KCNH8: variants seen among roughly 807,000 people sequenced by gnomAD.
KCNH8 encodes the protein potassium voltage-gated channel subfamily H member 8, also known as voltage-gated delayed rectifier potassium channel KCNH8.
Under a neutral mutation model 103.6 loss-of-function variants are expected in KCNH8, and 70 were observed. That is an observed-to-expected ratio of 0.68 (90% CI 0.56 to 0.82). KCNH8 has a LOEUF of 0.82. Ranked by LOEUF, KCNH8 falls within the 40% of genes least tolerant of loss-of-function variation. The pLI, the probability that KCNH8 is intolerant of heterozygous loss-of-function variation, is 0.00. For missense variants in KCNH8, 1,217 were observed against 1,329.9 expected (o/e 0.92, Z 1.32); for synonymous variants, 498 against 489.4 (o/e 1.02, Z -0.23).
At position 19,160,339 on chromosome 3, in the gene KCNH8, G is replaced by A. The variant is rs2063221671; in HGVS notation, c.76+11544G>A. 2.6e-5 allele frequency among the ~76,000 whole-genome samples: 4 copies of A among 151,864 alleles called. No homozygotes were observed. The South Asian group carries it at 6.2e-4, about 24-fold the overall frequency. ...GAATTTCATTTATTCATTTTTTTTG[G>A]TAAGAGTTTTTTATGATATAATTTA... On this transcript the variant is annotated intron_variant, in intron 1 of 15. Transcript: ENST00000328405.
rs750771980 is a variant in KCNH8, at chr3:19,533,648, T to C, written c.2873T>C (p.Ile958Thr). The C allele has an allele frequency of 6.8e-6, 11 of 1,614,006 alleles. No individual in the cohort carries two copies. The highest frequency in any genetic ancestry group is 6.8e-6 in the Non-Finnish European group (8 of 1,180,010). The change falls in exon 16 of 16, where the codon ATT becomes ACT. Residue 958 changes from isoleucine (I) to threonine (T), a missense_variant. Physicochemically the swap from Ile to Thr is moderately conservative, Grantham distance 89. Coordinates refer to ENST00000328405, the MANE Select transcript of KCNH8 (RefSeq NM_144633.3). Reference sequence around the variant, plus strand: ...TGTAGCAGTAATATCACCTCAGACATTTGGAGTGTGGATCCCTCCTCTGTG... The same window carrying C: ...TGTAGCAGTAATATCACCTCAGACACTTGGAGTGTGGATCCCTCCTCTGTG... ...QLCSSNITSDIWSVDPSSVGS... is the reference protein window; with the variant it reads ...QLCSSNITSDTWSVDPSSVGS...
intron 3 of KCNH8, among the ~76,000 whole-genome samples, chr3:19,320,459 A>G (rs2065335011): frequency 6.6e-6 from 1 of 151,944 alleles, no homozygotes; most frequent in African/African-American, 2.4e-5. Flanking sequence ...GGTGTATCAT[A>G]TCTATTTACC....
intron 1 of KCNH8, among the ~76,000 whole-genome samples, chr3:19,196,606 C>T (rs934499919): frequency 2.0e-5 from 3 of 151,878 alleles, no homozygotes; most frequent in African/African-American, 7.2e-5. Flanking sequence ...GATAGAAGTG[C>T]ATGTGATTAT....
rs561690940 is a variant in KCNH8, at chr3:19,503,670, T to C, written c.2041-6693T>C. Among the ~76,000 whole-genome samples, 7 of 150,788 alleles carry C rather than the reference T, an allele frequency of 4.6e-5. No homozygotes were observed. In the South Asian group the frequency reaches 1.5e-3, roughly 31 times the overall value. ...GGAAATCATCATTCTCAGTAAACTA[T>C]CTCAAGAACAAAAAACCAAACACCG... On this transcript the variant is annotated intron_variant, in intron 11 of 15. Coordinates refer to ENST00000328405, the MANE Select transcript of KCNH8 (RefSeq NM_144633.3).
chr3:19,511,129 T>C lies in KCNH8; in HGVS notation c.2079+728T>C, dbSNP rs372130386. On this transcript the variant is annotated intron_variant, in intron 12 of 15. Coordinates refer to ENST00000328405, the MANE Select transcript of KCNH8 (RefSeq NM_144633.3). The stretch of plus-strand genomic sequence containing the variant: ...CACCTACATTAGGTATTTCTCCTAA[T>C]GTTATCCCTCCCCTAGCCCCCCACC... Among the ~76,000 whole-genome samples, 152 of 152,204 alleles carry C rather than the reference T, an allele frequency of 1.0e-3. 1 individual carries two copies. Among genetic ancestry groups the C allele is most frequent in the African/African-American group, 3.3e-3 (138 of 41,530 alleles).
At chr3:19,383,466 C>A (rs2066314471) in intron 5 of KCNH8, among the ~76,000 whole-genome samples, 1 of 151,964 alleles carries the variant, frequency 6.6e-6, no homozygotes, top group Non-Finnish European at 1.5e-5. Flanking sequence ...GCAGCCTTCG[C>A]CTCCAAGCGA....
rs374808659 is a variant in KCNH8 at position 19,493,419 on chromosome 3, GA to G, written c.2041-16942del. 1.1e-3 allele frequency among the ~76,000 whole-genome samples: 170 copies of G among 152,230 alleles called. 3 individuals are homozygous for G. The South Asian group carries it at 0.031, about 28-fold the overall frequency. ...CCATGCTGCTCTCGTGATAGTGAGT[GA>G]ATTAGATCTGATTGTTTTATAAATG... On this transcript the variant is annotated intron_variant, in intron 11 of 15. Coordinates refer to ENST00000328405, the MANE Select transcript of KCNH8 (RefSeq NM_144633.3).
intron 3 of KCNH8, among the ~76,000 whole-genome samples, chr3:19,332,425 A>G (rs1464171166): frequency 6.6e-6 from 1 of 152,114 alleles, no homozygotes; most frequent in African/African-American, 2.4e-5. Context: ...TCCATTGTTT[A>G]TTCTTTTTTA....
intron 3 of KCNH8, among the ~76,000 whole-genome samples, chr3:19,284,155 A>G (rs570189588): frequency 4.3e-4 from 65 of 152,198 alleles, no homozygotes; most frequent in African/African-American, 1.5e-3. Context: ...AAAAAAAACT[A>G]AATGAGTGCA....
rs1239336088 is a variant in KCNH8, at chr3:19,182,392, G to A, written c.76+33597G>A. On this transcript the variant is annotated intron_variant, in intron 1 of 15. Coordinates refer to ENST00000328405, the MANE Select transcript of KCNH8 (RefSeq NM_144633.3). ...AAAAATACAAAAAAATTAGCCAGGC[G>A]TGGTGGCAGGTGCCTGTAGTCCCAG... Among the ~76,000 whole-genome samples, 8 of 152,252 alleles carry A rather than the reference G, an allele frequency of 5.3e-5. No homozygotes were observed. In the East Asian group the frequency reaches 9.7e-4, roughly 18 times the overall value.
chr3:19,451,167 T>C lies in KCNH8; in HGVS notation c.1588T>C (p.Phe530Leu). 6.2e-7 allele frequency: 1 copy of C among 1,613,768 alleles called. No individual in the cohort carries two copies. The highest frequency in any genetic ancestry group is 8.5e-7 in the Non-Finnish European group (1 of 1,179,730). The stretch of plus-strand genomic sequence containing the variant: ...TCTTCTCTGACAGCTTTTGAAAGAC[T>C]TTCCAGATGAACTGCGTTCTGACAT... ...GIDSNELLKD[F>L]PDELRSDITM... The change falls in exon 10 of 16, where the codon TTT becomes CTT. Residue 530 changes from phenylalanine (F) to leucine (L), a missense_variant. Phe to Leu is a conservative substitution (Grantham distance 22). Transcript: ENST00000328405.
At chr3:19,393,878 G>A (rs149622158) in intron 6 of KCNH8, among the ~76,000 whole-genome samples, 81 of 152,142 alleles carry the variant, frequency 5.3e-4, no homozygotes, top group African/African-American at 1.7e-3. Context: ...CAATTTCTAC[G>A]CTGAGCTTGG....
At chr3:19,383,313 G>A (rs1319566559) in intron 5 of KCNH8, among the ~76,000 whole-genome samples, 3 of 151,982 alleles carry the variant, frequency 2.0e-5, no homozygotes, top group East Asian at 3.9e-4. Context: ...ATACATGTGG[G>A]ATTTCATTTT....
intron 1 of KCNH8, among the ~76,000 whole-genome samples, chr3:19,213,543 C>T (rs1286366606): frequency 6.6e-6 from 1 of 152,156 alleles, no homozygotes; most frequent in African/African-American, 2.4e-5. Flanking sequence ...CCCAATCCCC[C>T]AGTTTTCTTC....
intron 5 of KCNH8, among the ~76,000 whole-genome samples, chr3:19,388,867 GAT>G (rs776953792): frequency 3.5e-4 from 53 of 152,162 alleles, no homozygotes; most frequent in Middle Eastern, 6.8e-3. Flanking sequence ...AGTTTTATCA[GAT>G]GTATCACCCA....
intron 1 of KCNH8, among the ~76,000 whole-genome samples, chr3:19,214,436 G>A (rs528405935): frequency 6.6e-6 from 1 of 152,106 alleles, no homozygotes; most frequent in African/African-American, 2.4e-5. Context: ...AGCTCAGGAG[G>A]TTAGCCACCT....
At chr3:19,315,646 G>A (rs984356857) in intron 3 of KCNH8, among the ~76,000 whole-genome samples, 1 of 151,850 alleles carries the variant, frequency 6.6e-6, no homozygotes, top group African/African-American at 2.4e-5. Flanking sequence ...TACTATGTTG[G>A]CCCATCTGGA....
At chr3:19,239,657 T>C (rs2064111465) in intron 1 of KCNH8, among the ~76,000 whole-genome samples, 1 of 151,406 alleles carries the variant, frequency 6.6e-6, no homozygotes, top group Non-Finnish European at 1.5e-5. Flanking sequence ...TATCTATCTA[T>C]CTATCTATCT....
chr3:19,286,497 A>T (rs75932362), intron 3 of KCNH8, among the ~76,000 whole-genome samples: 17,203 of 152,084 alleles, frequency 0.11, 3,025 homozygotes, highest in African/African-American at 0.38. Context: ...ATCTCTAACC[A>T]CCAGAACTGT....
Sources: allele counts gnomAD v4.1 joint callset (sites outside exome capture counted in the v4.1 genomes callset), GRCh38; gene constraint gnomAD v4.1.1; transcripts MANE v1.5; gene names NCBI Gene and HGNC (gene_info 2026-07-23, HGNC 2026-07-21).